Variants in PDHX observed in about 807,000 individuals in gnomAD.
The protein encoded by PDHX is pyruvate dehydrogenase complex component X.
In PDHX, 33 loss-of-function variants were observed where a neutral mutation model predicts 55.3. The ratio of observed to expected loss-of-function variants is 0.60; its 90% CI spans 0.45 to 0.80. The LOEUF (loss-of-function observed/expected upper bound fraction) is 0.80, where lower values mean the gene tolerates loss of function less well. PDHX is among the 30% of genes least tolerant of loss of function. The pLI is 0.00. For missense variants in PDHX, 622 were observed against 619.9 expected (o/e 1.00, Z -0.04); for synonymous variants, 226 against 219.4 (o/e 1.03, Z -0.27).
Position 34,966,707 on chromosome 11 carries a change from C to A in PDHX, c.709C>A (p.Pro237Thr), listed in dbSNP as rs527753201. The change falls in exon 6 of 11, where the codon CCC becomes ACC. Residue 237 changes from proline (P) to threonine (T), a missense_variant. By Grantham distance (38) the Pro-to-Thr change is conservative (BLOSUM62 -1). Coordinates refer to ENST00000227868, the MANE Select transcript of PDHX (RefSeq NM_003477.3). The part of the protein sequence containing the change: ...KITESRPTPA[P>T]TATPTAPSPL... The stretch of plus-strand genomic sequence containing the variant: ...TACCGAGTCCAGACCAACTCCAGCC[C>A]CCACAGCCACTCCCACAGCACCTTC... 40 of 1,614,114 alleles carry A rather than the reference C, an allele frequency of 2.5e-5. No homozygotes were observed. In the Admixed American group the frequency reaches 2.7e-4, roughly 11 times the overall value.
chr11:34,944,704 A>G (rs1414858925), intron 2 of PDHX, among the ~76,000 whole-genome samples: 2 of 152,096 alleles, frequency 1.3e-5, no homozygotes, highest in Non-Finnish European at 2.9e-5. Context: ...GCCTGTTAAT[A>G]TTGCTATTCC....
At chr11:34,972,395 A>ATTT (rs35664323) in intron 7 of PDHX, among the ~76,000 whole-genome samples, 2 of 145,846 alleles carry the variant, frequency 1.4e-5, no homozygotes. Context: ...ACAAATGTTG[A>ATTT]TTTTTTTTTT....
rs1200695237 is a variant in PDHX, at chr11:34,994,894, G to C, written c.1248-20G>C. ...TGATTAAGGACATGCCTCCTTCAGA[G>C]CTTTTTCTTTTCCCCCTAGTATTTC... On this transcript the variant is annotated intron_variant, in intron 10 of 10. Transcript: ENST00000227868. 2 of 1,613,626 alleles carry C rather than the reference G, an allele frequency of 1.2e-6. No homozygotes were observed. The highest frequency in any genetic ancestry group is 1.7e-4 in the Middle Eastern group (1 of 6,058).
chr11:34,975,150 G>T (rs1855338807), intron 7 of PDHX, among the ~76,000 whole-genome samples: 1 of 151,384 alleles, frequency 6.6e-6, no homozygotes, highest in Admixed American at 6.6e-5. Context: ...TTGTTCCATT[G>T]TATATGATGT....
chr11:34,943,440 G>A (rs1279008618), intron 2 of PDHX, among the ~76,000 whole-genome samples: 1 of 152,116 alleles, frequency 6.6e-6, no homozygotes. Context: ...GCTAGAGTCT[G>A]TTTTCTAGGC....
intron 3 of PDHX, among the ~76,000 whole-genome samples, chr11:34,948,098 T>C (rs1854667363): frequency 6.6e-6 from 1 of 152,196 alleles, no homozygotes; most frequent in Non-Finnish European, 1.5e-5. Flanking sequence ...CTTCATCCCC[T>C]GTGCCTTTTT....
chr11:34,965,362 C>T (rs1443656032), intron 5 of PDHX, among the ~76,000 whole-genome samples: 2 of 152,198 alleles, frequency 1.3e-5, no homozygotes, highest in East Asian at 3.8e-4. Context: ...CGGTTCACAA[C>T]ATGCATGTTT....
At chr11:34,916,037 A>T, upstream of PDHX, 2 of 698,386 alleles carry the variant, frequency 2.9e-6, no homozygotes, top group Non-Finnish European at 4.6e-6. Context: ...GAGACCACTG[A>T]TCTCCTGGGG....
At chr11:34,929,626 A>G (rs1854106865) in intron 1 of PDHX, among the ~76,000 whole-genome samples, 2 of 152,264 alleles carry the variant, frequency 1.3e-5, no homozygotes. Flanking sequence ...AATATAAGCT[A>G]TCAATAACCA....
chr11:34,951,351 GC>G lies in PDHX; in HGVS notation c.342+3748del, dbSNP rs767681652. ...TGGGATTACAAGCGTGAGCCACCGCGCCCGGCCTGTTTCCTGACTTTTTAAT... is the reference window on the plus strand; with the variant it reads ...TGGGATTACAAGCGTGAGCCACCGCGCCGGCCTGTTTCCTGACTTTTTAAT... On this transcript the variant is annotated intron_variant, in intron 3 of 10. Transcript: ENST00000227868. 3.1e-4 allele frequency among the ~76,000 whole-genome samples: 47 copies of G among 152,030 alleles called. 1 individual carries two copies. Among genetic ancestry groups the G allele is most frequent in the Non-Finnish European group, 1.6e-4 (11 of 67,986 alleles).
chr11:34,945,191 C>A (rs982914450), intron 2 of PDHX, among the ~76,000 whole-genome samples: 4 of 152,128 alleles, frequency 2.6e-5, no homozygotes, highest in Admixed American at 2.0e-4. Context: ...CTGAATATAT[C>A]AAAGTTGTTA....
At chr11:34,942,123 T>G (rs1854502053) in intron 2 of PDHX, among the ~76,000 whole-genome samples, 1 of 152,230 alleles carries the variant, frequency 6.6e-6, no homozygotes, top group Non-Finnish European at 1.5e-5. Context: ...GAACCTTCTC[T>G]TTTTGTTGTT....
At chr11:34,931,252 C>T in intron 1 of PDHX, 152 bp from the exon 2 acceptor site, 1 of 632,260 alleles carries the variant, frequency 1.6e-6, no homozygotes, top group Non-Finnish European at 2.9e-6. Context: ...ATACAATTTA[C>T]TGGAGACTTA....
rs57927359 is a variant in PDHX, at chr11:34,980,352, C to CTTTTTT, written c.1023+2179_1023+2184dup. Reference sequence around the variant, plus strand: ...TTTTTAATAAGGTTTAAGATAGTTTCTTTTTTTTTTTTTTGAGCAGCAGCA... The same window carrying CTTTTTT: ...TTTTTAATAAGGTTTAAGATAGTTTCTTTTTTTTTTTTTTTTTTTTGAGCAGCAGCA... On this transcript the variant is annotated intron_variant, in intron 8 of 10. Coordinates refer to ENST00000227868, the MANE Select transcript of PDHX (RefSeq NM_003477.3). Among the ~76,000 whole-genome samples, 4 of 74,822 alleles carry CTTTTTT rather than the reference C, an allele frequency of 5.3e-5. 1 individual carries two copies. Among genetic ancestry groups the CTTTTTT allele is most frequent in the Admixed American group, 1.6e-4 (1 of 6,334 alleles). 49.1% of individuals were successfully genotyped at this position (74,822 alleles called of 152,430 possible). A position where few individuals can be genotyped will look rare whatever the true frequency, so the allele number is the denominator to read the frequency against.
chr11:34,965,773 T>C lies in PDHX; in HGVS notation c.642-867T>C, dbSNP rs1003543156. Among the ~76,000 whole-genome samples the C allele has an allele frequency of 3.3e-5, 5 of 152,322 alleles. No individual in the cohort carries two copies. In the South Asian group the frequency reaches 1.0e-3, roughly 32 times the overall value. On this transcript the variant is annotated intron_variant, in intron 5 of 10. Transcript: ENST00000227868. ...TTTTTGGAAAAATAATACCAAAATA[T>C]TAACTGAGAAATAATTTTTCCTTAG...
intron 6 of PDHX, among the ~76,000 whole-genome samples, chr11:34,968,598 A>G (rs1855187000): frequency 6.6e-6 from 1 of 152,230 alleles, no homozygotes; most frequent in African/African-American, 2.4e-5. Flanking sequence ...CATACTTTCT[A>G]TTATGAATCT....
rs755428861 is a variant in PDHX at position 34,966,787 on chromosome 11, A to G, written c.789A>G (p.Val263=). The part of the protein sequence containing the change: ...PSYPRPVIPP[V]STPGQPNAVG... ...ATCCCCGGCCTGTGATCCCACCAGTATCAACTCCTGGACAACCCAATGCAG... is the reference window on the plus strand; with the variant it reads ...ATCCCCGGCCTGTGATCCCACCAGTGTCAACTCCTGGACAACCCAATGCAG... The change falls in exon 6 of 11, where the codon GTA becomes GTG. Residue 263 remains valine, a synonymous_variant. Transcript: ENST00000227868. 33 of 1,613,850 alleles carry G rather than the reference A, an allele frequency of 2.0e-5. No individual in the cohort carries two copies. The highest frequency in any genetic ancestry group is 3.3e-4 in the Middle Eastern group (2 of 6,084).
intron 7 of PDHX, among the ~76,000 whole-genome samples, chr11:34,975,859 C>G (rs183623836): frequency 6.6e-6 from 1 of 152,234 alleles, no homozygotes; most frequent in Admixed American, 6.5e-5. Context: ...TTTCTACATC[C>G]CAGGTGAAAG....
At chr11:34,960,920 A>C (rs1308750747) in intron 5 of PDHX, among the ~76,000 whole-genome samples, 2 of 152,220 alleles carry the variant, frequency 1.3e-5, no homozygotes, top group Non-Finnish European at 2.9e-5. Context: ...GTGCTGTTAT[A>C]AAGCAATTTC....
Sources: allele counts gnomAD v4.1 joint callset (sites outside exome capture counted in the v4.1 genomes callset), GRCh38; gene constraint gnomAD v4.1.1; transcripts MANE v1.5; gene names NCBI Gene and HGNC (gene_info 2026-07-23, HGNC 2026-07-21).